Variants in SYT13 observed in about 807,000 individuals in gnomAD.
The protein encoded by SYT13 is synaptotagmin 13.
SYT13 carries 21 observed loss-of-function variants against 38.6 expected under a neutral mutation model. The observed-to-expected ratio is 0.54, with a 90% CI of 0.39 to 0.78. The LOEUF (loss-of-function observed/expected upper bound fraction) is 0.78. Ranked by LOEUF, SYT13 falls within the 30% of genes least tolerant of loss-of-function variation. SYT13 has a pLI of 0.00. For synonymous variants in SYT13, 241 were observed against 237.6 expected (o/e 1.01, Z -0.13); for missense variants, 495 against 548.7 (o/e 0.90, Z 0.98).
chr11:45,280,119 G>T (rs4469880), intron 1 of SYT13, among the ~76,000 whole-genome samples: 1 of 152,160 alleles, frequency 6.6e-6, no homozygotes, highest in Non-Finnish European at 1.5e-5. Flanking sequence ...TTTGATGAAT[G>T]AACTATTTAA....
chr11:45,252,350 G>A lies in SYT13; in HGVS notation c.846+71C>T. 2.0e-6 allele frequency: 3 copies of A among 1,484,050 alleles called. No individual in the cohort carries two copies. The highest frequency in any genetic ancestry group is 9.0e-7 in the Non-Finnish European group (1 of 1,115,320). 91.9% of individuals were successfully genotyped at this position (1,484,050 alleles called of 1,614,324 possible). A position where few individuals can be genotyped will look rare whatever the true frequency, so the allele number is the denominator to read the frequency against. On this transcript the variant is annotated intron_variant, in intron 4 of 5. Transcript: ENST00000020926. This position sits in a 1 kb window ranked among gnomAD's most constrained non-coding sequence, Gnocchi z 4.3. The stretch of plus-strand genomic sequence containing the variant: ...TTGTTCCCTAAGACTGAGTTGCTGG[G>A]AGGACACCAGGTTCTGCCATCCCAT...
chr11:45,281,910 C>T (rs1057478978), intron 1 of SYT13, among the ~76,000 whole-genome samples: 5 of 152,182 alleles, frequency 3.3e-5, no homozygotes, highest in African/African-American at 1.2e-4. Flanking sequence ...GGTAGGGGTA[C>T]AGGACTGAGC....
chr11:45,252,468 C>A lies in SYT13; in HGVS notation c.799G>T (p.Val267Leu). ...ELRLGLDGTSVPLGAAQWGEL... is the reference protein window; with the variant it reads ...ELRLGLDGTSLPLGAAQWGEL... ...CCCCACTGGGCAGCCCCTAGAGGCA[C>A]AGATGTCCCGTCCAGGCCCAGGCGG... The change falls in exon 4 of 6, where the codon GTG (valine) becomes TTG (leucine). Residue 267 changes from valine to leucine, a missense_variant. Physicochemically the swap from Val to Leu is conservative, Grantham distance 32. Coordinates refer to ENST00000020926, the MANE Select transcript of SYT13 (RefSeq NM_020826.3). This position sits in a 1 kb window ranked among gnomAD's most constrained non-coding sequence, Gnocchi z 4.3. 1 of 1,611,712 alleles carries A rather than the reference C, an allele frequency of 6.2e-7. No individual in the cohort carries two copies. Among genetic ancestry groups the A allele is most frequent in the South Asian group, 1.1e-5 (1 of 90,892 alleles).
rs761794466 is a variant in SYT13 at position 45,252,627 on chromosome 11, TC to T, written c.639del (p.Lys214SerfsTer26). The T allele has an allele frequency of 6.2e-7, 1 of 1,613,882 alleles. No homozygotes were observed. Among genetic ancestry groups the T allele is most frequent in the African/African-American group, 1.3e-5 (1 of 74,912 alleles). ...TCCCAGGTGGTGTGCAGCTGCCGCTTCTTTAGGGCTGTCTGAGCCTCCACAG... is the reference window on the plus strand; with the variant it reads ...TCCCAGGTGGTGTGCAGCTGCCGCTTTTTAGGGCTGTCTGAGCCTCCACAG... ...TGSVEAQTAL[K>X]KRQLHTTWEE... On this transcript the variant is annotated frameshift_variant, in exon 4 of 6. Transcript: ENST00000020926. LOFTEE classifies it high-confidence loss of function. The surrounding 1 kb of genome is among the most constrained non-coding windows in gnomAD (Gnocchi z 4.3).
chr11:45,267,354 A>G (rs1478961372), intron 1 of SYT13, among the ~76,000 whole-genome samples: 2 of 152,110 alleles, frequency 1.3e-5, no homozygotes, highest in African/African-American at 4.8e-5. Context: ...CCCACCACCC[A>G]CTATGCTGCC....
In SYT13 at chr11:45,267,577, C is replaced by A. The variant is rs4755937; in HGVS notation, c.184-11686G>T. On this transcript the variant is annotated intron_variant, in intron 1 of 5. Coordinates refer to ENST00000020926, the MANE Select transcript of SYT13 (RefSeq NM_020826.3). The stretch of plus-strand genomic sequence containing the variant: ...CATCCAGGTAGGGTAGAGGTAGACA[C>A]CCCCTCTCTCATGTTAAGCTGCTCA... Among the ~76,000 whole-genome samples, 432 of 152,266 alleles carry A rather than the reference C, an allele frequency of 2.8e-3. 2 individuals are homozygous for A. Among genetic ancestry groups the A allele is most frequent in the African/African-American group, 1.0e-2 (414 of 41,550 alleles).
intron 4 of SYT13, among the ~76,000 whole-genome samples, chr11:45,251,590 C>A (rs978319565): frequency 6.6e-6 from 1 of 152,038 alleles, no homozygotes. Context: ...CTCAAGGAAC[C>A]ACAGTGCAGG....
At position 45,246,366 on chromosome 11, in the gene SYT13, T is replaced by G; in HGVS notation, c.976+17A>C. 1 of 1,612,746 alleles carries G rather than the reference T, an allele frequency of 6.2e-7. No homozygotes were observed. On this transcript the variant is annotated intron_variant, in intron 5 of 5. Coordinates refer to ENST00000020926, the MANE Select transcript of SYT13 (RefSeq NM_020826.3). ...GTAGCTGGAGGGGCCTTGGCCATCC[T>G]CTCACATCTCACTCACCCTTCCCCA...
rs781729492 is a variant in SYT13 at position 45,244,358 on chromosome 11, TG to T, written c.977-3del. 72 of 1,611,076 alleles carry T rather than the reference TG, an allele frequency of 4.5e-5. 1 individual carries two copies. In the African/African-American group the frequency reaches 5.6e-4, roughly 13 times the overall value. Reference sequence around the variant, plus strand: ...TCAAGGTCACCTTGACAGAGACATCTGGGGAGGGGCAGAGGGGAAAAAGAGA... The same window carrying T: ...TCAAGGTCACCTTGACAGAGACATCTGGGAGGGGCAGAGGGGAAAAAGAGA... On this transcript the variant is annotated splice_polypyrimidine_tract_variant and splice_region_variant and intron_variant, in intron 5 of 5. Transcript: ENST00000020926.
intron 1 of SYT13, among the ~76,000 whole-genome samples, chr11:45,283,525 C>T (rs1297075537): frequency 1.3e-5 from 2 of 152,200 alleles, no homozygotes; most frequent in Non-Finnish European, 2.9e-5. Flanking sequence ...AATTGGTTGT[C>T]TTTTCTCTAT....
intron 1 of SYT13, 74 bp from the exon 2 acceptor site, chr11:45,255,965 C>A (rs1369884388): frequency 2.0e-6 from 3 of 1,473,788 alleles, no homozygotes; most frequent in Non-Finnish European, 1.9e-6. Context: ...AAGGGAGAAA[C>A]GGTGAACTGA....
intron 1 of SYT13, among the ~76,000 whole-genome samples, chr11:45,267,299 C>T (rs1854895378): frequency 6.6e-6 from 1 of 152,218 alleles, no homozygotes; most frequent in Non-Finnish European, 1.5e-5. Context: ...ACCATTCCTC[C>T]ACGTTTCTGT....
At chr11:45,281,775 A>G (rs1367396207) in intron 1 of SYT13, among the ~76,000 whole-genome samples, 1 of 152,190 alleles carries the variant, frequency 6.6e-6, no homozygotes, top group Non-Finnish European at 1.5e-5. Flanking sequence ...GGGGTCACCC[A>G]GGGGACCTCT....
chr11:45,267,638 C>T (rs531761567), intron 1 of SYT13, among the ~76,000 whole-genome samples: 83 of 152,126 alleles, frequency 5.5e-4, no homozygotes, highest in African/African-American at 1.9e-3. Flanking sequence ...CCGCTCAGCT[C>T]CCCCCGGCAA....
rs1854557886 is a variant in SYT13, at chr11:45,242,026, AT to A, written c.*2025del. The A allele has an allele frequency of 6.6e-6, 1 of 152,224 alleles. No individual in the cohort carries two copies. The highest frequency in any genetic ancestry group is 6.5e-5 in the Admixed American group (1 of 15,282). 9.4% of individuals were successfully genotyped at this position (152,224 alleles called of 1,614,324 possible). ...TTCTATTTCTGTACAGAAAGAAAAA[AT>A]AATGACCACAGGTTATAAGGCTCCT... On this transcript the variant is annotated 3_prime_UTR_variant, in exon 6 of 6. Transcript: ENST00000020926.
At chr11:45,278,755 T>C (rs1044902531) in intron 1 of SYT13, among the ~76,000 whole-genome samples, 1 of 152,158 alleles carries the variant, frequency 6.6e-6, no homozygotes, top group Non-Finnish European at 1.5e-5. Context: ...GTCAGACCTG[T>C]CACTGGAAAA....
rs1352048879 is a variant in SYT13 at position 45,252,961 on chromosome 11, T to C, written c.545-239A>G. On this transcript the variant is annotated intron_variant, in intron 3 of 5. Coordinates refer to ENST00000020926, the MANE Select transcript of SYT13 (RefSeq NM_020826.3). The surrounding 1 kb of genome is among the most constrained non-coding windows in gnomAD (Gnocchi z 4.3). Reference sequence around the variant, plus strand: ...CTTTCTTGGAGAGCAGGGACAAGACTTGGCATTTCCTGGAGCCCTCTGAAC... The same window carrying C: ...CTTTCTTGGAGAGCAGGGACAAGACCTGGCATTTCCTGGAGCCCTCTGAAC... Among the ~76,000 whole-genome samples the C allele has an allele frequency of 6.6e-6, 1 of 152,198 alleles. No homozygotes were observed.
At chr11:45,245,093 A>G (rs1006729263) in intron 5 of SYT13, among the ~76,000 whole-genome samples, 9 of 152,098 alleles carry the variant, frequency 5.9e-5, no homozygotes, top group Non-Finnish European at 1.0e-4. Context: ...TTAAAGTTTT[A>G]TTTGAAGACC....
In SYT13 at chr11:45,252,722, G is replaced by A; in HGVS notation, c.545C>T (p.Ala182Val). 2 of 1,567,416 alleles carry A rather than the reference G, an allele frequency of 1.3e-6. No homozygotes were observed. The highest frequency in any genetic ancestry group is 1.3e-5 in the African/African-American group (1 of 74,086). ...KAELFVTRLE[A>V]VTSNHDGGCD... ...GCCTCCGTCGTGGTTGCTGGTCACA[G>A]CTGCAGGCAAGGAGAACAACACAGG... is the stretch of plus-strand genomic sequence containing the variant. Residue 182 changes from alanine (A) to valine (V), a missense_variant and splice_region_variant, in exon 4 of 6, where the codon GCT (alanine) becomes GTT (valine). Transcript: ENST00000020926. The surrounding 1 kb of genome is among the most constrained non-coding windows in gnomAD (Gnocchi z 4.3).
Sources: gnomAD v4.1 joint callset for allele counts (sites outside exome capture counted in the v4.1 genomes callset) on GRCh38, gnomAD v4.1.1 for gene constraint, Gnocchi (gnomAD v3.1) non-coding constraint, MANE v1.5 for transcripts, NCBI Gene and HGNC (gene_info 2026-07-23, HGNC 2026-07-21) for gene names.